The following UMAD1 variants were observed in gnomAD, a reference collection of about 807,000 sequenced individuals.
UMAD1 encodes the protein UBAP1-MVB12-associated (UMA)-domain containing protein 1.
UMAD1 carries 8 observed loss-of-function variants against 6.1 expected under a neutral mutation model. That is an observed-to-expected ratio of 1.30 (90% confidence interval 0.76 to 2.35). UMAD1 has a LOEUF of 2.35. Ranked by LOEUF, UMAD1 falls within the 30% of genes most tolerant of loss-of-function variation. UMAD1 has a pLI of 0.00. For missense variants in UMAD1, 130 were observed against 78.4 expected (o/e 1.66, Z -2.49); for synonymous variants, 56 against 31.4 (o/e 1.78, Z -2.61).
chr7:7,776,981 G>A (rs776808265), intron 2 of UMAD1, among the ~76,000 whole-genome samples: 5 of 152,224 alleles, frequency 3.3e-5, no homozygotes, highest in Non-Finnish European at 5.9e-5. Context: ...AAATGCAGGT[G>A]TATCTTTTTA....
chr7:7,784,510 T>C (rs542156070), intron 2 of UMAD1, among the ~76,000 whole-genome samples: 4 of 146,010 alleles, frequency 2.7e-5, no homozygotes, highest in South Asian at 2.1e-4. Context: ...TAATTTTTTG[T>C]ATTTTTTTTT....
chr7:7,835,060 T>C (rs1255585335), intron 3 of UMAD1, among the ~76,000 whole-genome samples: 2 of 152,160 alleles, frequency 1.3e-5, no homozygotes, highest in Non-Finnish European at 2.9e-5. Context: ...CTTCTCTCAA[T>C]AGATGGGGTT....
intron 2 of UMAD1, among the ~76,000 whole-genome samples, chr7:7,769,399 A>T (rs1400649621): frequency 6.6e-6 from 1 of 152,194 alleles, no homozygotes; most frequent in Non-Finnish European, 1.5e-5. Context: ...GAGGAATGAT[A>T]TACAAGTTTA....
At chr7:7,697,564 A>C (rs1780351440) in intron 2 of UMAD1, among the ~76,000 whole-genome samples, 1 of 152,202 alleles carries the variant, frequency 6.6e-6, no homozygotes, top group East Asian at 1.9e-4. Flanking sequence ...TCAGGAAGGA[A>C]GAAGCACGAA....
At chr7:7,675,134 G>T (rs1779707412) in intron 2 of UMAD1, among the ~76,000 whole-genome samples, 1 of 152,046 alleles carries the variant, frequency 6.6e-6, no homozygotes, top group South Asian at 2.1e-4. Context: ...CAAAGTGTTG[G>T]GATTACAGGC....
In UMAD1 at chr7:7,658,491, A is replaced by G. The variant is rs573976719; in HGVS notation, c.-63-14818A>G. On this transcript the variant is annotated intron_variant, in intron 1 of 3. Transcript: ENST00000682710. ...TTATTTTGAGATACATTCCATCAAT[A>G]CCTAGTTTTTTGAGAGTTTTTAGTA... Among the ~76,000 whole-genome samples, 223 of 152,220 alleles carry G rather than the reference A, an allele frequency of 1.5e-3. 1 individual carries two copies. Among genetic ancestry groups the G allele is most frequent in the Non-Finnish European group, 2.4e-3 (165 of 68,008 alleles).
intron 2 of UMAD1, among the ~76,000 whole-genome samples, chr7:7,778,266 G>T (rs1056105612): frequency 1.5e-5 from 2 of 135,552 alleles, no homozygotes; most frequent in Admixed American, 1.5e-4. Context: ...GTGTGTGTGT[G>T]TGTGTGTGTG....
At chr7:7,828,065 A>G (rs1783381607) in intron 3 of UMAD1, among the ~76,000 whole-genome samples, 1 of 152,192 alleles carries the variant, frequency 6.6e-6, no homozygotes, top group South Asian at 2.1e-4. Flanking sequence ...TTGTGGAATG[A>G]AAGAGACTCT....
chr7:7,684,372 T>TG (rs1324582246), intron 2 of UMAD1, among the ~76,000 whole-genome samples: 1 of 151,840 alleles, frequency 6.6e-6, no homozygotes, highest in East Asian at 1.9e-4. Flanking sequence ...CGGCTAATTT[T>TG]TTTTTTTTGT....
At chr7:7,727,838 T>C (rs1358948233) in intron 2 of UMAD1, among the ~76,000 whole-genome samples, 1 of 152,206 alleles carries the variant, frequency 6.6e-6, no homozygotes, top group Non-Finnish European at 1.5e-5. Flanking sequence ...AGATGGCTTA[T>C]TGTGGGACCT....
At chr7:7,843,098 G>A (rs1783713925) in intron 3 of UMAD1, among the ~76,000 whole-genome samples, 1 of 152,206 alleles carries the variant, frequency 6.6e-6, no homozygotes. Context: ...AATCTAGTTA[G>A]TGAGTGGATT....
intron 3 of UMAD1, among the ~76,000 whole-genome samples, chr7:7,849,188 C>T (rs1270840006): frequency 6.6e-6 from 1 of 152,186 alleles, no homozygotes; most frequent in Non-Finnish European, 1.5e-5. Flanking sequence ...TCAATCCTCA[C>T]ATCTTACAAA....
chr7:7,778,275 T>TGAGAGAGAGAGAGAGAGAGA (rs1554327252), intron 2 of UMAD1, among the ~76,000 whole-genome samples: 2 of 110,594 alleles, frequency 1.8e-5, no homozygotes, highest in African/African-American at 7.7e-5. Context: ...TGTGTGTGTG[T>TGAGAGAGAGAGAGAGAGAGA]GAGAGAGAGA....
chr7:7,783,775 T>C (rs926601446), intron 2 of UMAD1, among the ~76,000 whole-genome samples: 1 of 152,170 alleles, frequency 6.6e-6, no homozygotes, highest in Non-Finnish European at 1.5e-5. Context: ...CAAAAAACTG[T>C]TTTCATAGGC....
At chr7:7,703,046 A>C (rs1780502220) in intron 2 of UMAD1, among the ~76,000 whole-genome samples, 1 of 152,222 alleles carries the variant, frequency 6.6e-6, no homozygotes, top group Non-Finnish European at 1.5e-5. Flanking sequence ...CTAGTCTTCT[A>C]GTTAGTACTA....
chr7:7,670,991 G>C (rs572446859), intron 1 of UMAD1, among the ~76,000 whole-genome samples: 1 of 152,148 alleles, frequency 6.6e-6, no homozygotes, highest in Admixed American at 6.5e-5. Context: ...TTTCCTTTTC[G>C]GTAACTTCCT....
chr7:7,743,143 AC>A (rs1781507047), intron 2 of UMAD1, among the ~76,000 whole-genome samples: 1 of 152,196 alleles, frequency 6.6e-6, no homozygotes, highest in African/African-American at 2.4e-5. Context: ...TGGTTTAGAA[AC>A]AACACAATCA....
chr7:7,777,258 G>C (rs536628201), intron 2 of UMAD1, among the ~76,000 whole-genome samples: 148 of 151,978 alleles, frequency 9.7e-4, no homozygotes, highest in African/African-American at 3.5e-3. Context: ...TGTAATCCCA[G>C]TACTTTGGGT....
rs1262642122 is a variant in UMAD1, at chr7:7,827,139, A to ATGTG, written c.156+25397_156+25398insGTGT. 6.3e-3 allele frequency among the ~76,000 whole-genome samples: 848 copies of ATGTG among 133,994 alleles called. 6 individuals carry two copies. Among genetic ancestry groups the ATGTG allele is most frequent in the African/African-American group, 0.012 (410 of 34,506 alleles). 87.9% of individuals were successfully genotyped at this position (133,994 alleles called of 152,430 possible). ...CAGTCCAGGATATATATATATATAT[A>ATGTG]TATATATATGTGTGTGTGTGTGTGT... On this transcript the variant is annotated intron_variant, in intron 3 of 3. Coordinates refer to ENST00000682710, the MANE Select transcript of UMAD1 (RefSeq NM_001302348.2).
Sources: allele counts gnomAD v4.1 joint callset (sites outside exome capture counted in the v4.1 genomes callset), GRCh38; gene constraint gnomAD v4.1.1; transcripts MANE v1.5; gene names NCBI Gene and HGNC (gene_info 2026-07-23, HGNC 2026-07-21).